The following SHB variants were observed in gnomAD, a reference collection of about 807,000 sequenced individuals.
The protein encoded by SHB is SH2 domain containing adaptor protein B.
In SHB, 20 loss-of-function variants were observed where a neutral mutation model predicts 52.3. The ratio of observed to expected loss-of-function variants is 0.38; its 90% CI spans 0.27 to 0.56. The LOEUF is 0.56. SHB is among the 20% of genes least tolerant of loss of function. SHB has a pLI of 0.71. For missense variants in SHB, 825 were observed against 723.3 expected (o/e 1.14, Z -1.61); for synonymous variants, 397 against 316.5 (o/e 1.25, Z -2.70).
intron 2 of SHB, among the ~76,000 whole-genome samples, chr9:37,996,333 C>T (rs1323724292): frequency 6.6e-6 from 1 of 152,334 alleles, no homozygotes; most frequent in East Asian, 1.9e-4. Flanking sequence ...TTAGCTGGTA[C>T]TCATGGTTGA....
At chr9:38,012,139 A>G (rs1821148828) in intron 2 of SHB, among the ~76,000 whole-genome samples, 1 of 152,216 alleles carries the variant, frequency 6.6e-6, no homozygotes, top group South Asian at 2.1e-4. Context: ...GGCTGGGCCA[A>G]TCTCCCCACC....
chr9:37,972,899 G>A (rs1245817249), intron 3 of SHB, among the ~76,000 whole-genome samples: 1 of 152,098 alleles, frequency 6.6e-6, no homozygotes, highest in Non-Finnish European at 1.5e-5. Flanking sequence ...GGAGATTTAA[G>A]GCAAAATAAA....
At chr9:37,931,124 A>C (rs1269018960) in intron 5 of SHB, among the ~76,000 whole-genome samples, 1 of 152,210 alleles carries the variant, frequency 6.6e-6, no homozygotes, top group Non-Finnish European at 1.5e-5. Context: ...CTCAAAATGG[A>C]TAAAAGACCT....
intron 1 of SHB, among the ~76,000 whole-genome samples, chr9:38,032,338 C>T (rs117580494): frequency 0.012 from 1,845 of 152,338 alleles, 18 homozygotes; most frequent in Middle Eastern, 0.034. Flanking sequence ...AGGTTTCAAC[C>T]CAGGCCAGCG....
chr9:38,042,262 A>G (rs1821594474), intron 1 of SHB, among the ~76,000 whole-genome samples: 1 of 152,230 alleles, frequency 6.6e-6, no homozygotes, highest in Non-Finnish European at 1.5e-5. Context: ...TGCCCGGGAC[A>G]CAGTAAGAGC....
At chr9:38,015,184 A>G (rs1821194786) in intron 2 of SHB, among the ~76,000 whole-genome samples, 1 of 152,190 alleles carries the variant, frequency 6.6e-6, no homozygotes, top group Admixed American at 6.5e-5. Flanking sequence ...GGCAGCCTAC[A>G]CAGCTGCTCT....
rs76007736 is a variant in SHB at position 37,938,849 on chromosome 9, G to C, written c.1346+9786C>G. Among the ~76,000 whole-genome samples, 1,208 of 152,332 alleles carry C rather than the reference G, an allele frequency of 7.9e-3. 16 individuals are homozygous for C. The highest frequency in any genetic ancestry group is 0.027 in the African/African-American group (1,143 of 41,568). On this transcript the variant is annotated intron_variant, in intron 5 of 5. Transcript: ENST00000377707. Reference sequence around the variant, plus strand: ...ACTGGGCCGTGAACTGGCAGAGTGAGGCAGAATGAGAGCAGGCACCTCTTG... The same window carrying C: ...ACTGGGCCGTGAACTGGCAGAGTGACGCAGAATGAGAGCAGGCACCTCTTG...
intron 2 of SHB, among the ~76,000 whole-genome samples, chr9:37,986,886 G>A (rs895938170): frequency 9.2e-5 from 14 of 152,316 alleles, no homozygotes; most frequent in African/African-American, 3.1e-4. Context: ...TCTGAGTATC[G>A]ACAGACCACA....
chr9:37,965,193 G>A (rs1044258234), intron 3 of SHB, among the ~76,000 whole-genome samples: 2 of 152,242 alleles, frequency 1.3e-5, no homozygotes, highest in Non-Finnish European at 2.9e-5. Context: ...GGGAGGCCAG[G>A]AGAGATGGGG....
chr9:38,023,447 G>C (rs1325061926), intron 1 of SHB, among the ~76,000 whole-genome samples: 3 of 152,222 alleles, frequency 2.0e-5, no homozygotes, highest in Non-Finnish European at 2.9e-5. Flanking sequence ...GCACCTCCAG[G>C]ATGAAGGTAA....
chr9:38,066,847 C>CTTA (rs942103597), intron 1 of SHB, among the ~76,000 whole-genome samples: 1 of 152,166 alleles, frequency 6.6e-6, no homozygotes, highest in Non-Finnish European at 1.5e-5. Flanking sequence ...AACTCAGACT[C>CTTA]TTAATCAGTC....
chr9:37,927,379 CA>C (rs1832262586), intron 5 of SHB, among the ~76,000 whole-genome samples: 2 of 152,232 alleles, frequency 1.3e-5, no homozygotes, highest in Non-Finnish European at 2.9e-5. Context: ...CGCTGCTGAG[CA>C]AAATGACGTG....
chr9:38,016,430 T>C lies in SHB; in HGVS notation c.718-299A>G, dbSNP rs1821212890. Among the ~76,000 whole-genome samples, 5 of 152,172 alleles carry C rather than the reference T, an allele frequency of 3.3e-5. No homozygotes were observed. In the South Asian group the frequency reaches 1.0e-3, roughly 32 times the overall value. On this transcript the variant is annotated intron_variant, in intron 1 of 5. Transcript: ENST00000377707. ...TGAAGGTAACAATGCACACTAAGCA[T>C]GGAGGCGAGAACCTGGAGGGCATCC...
chr9:37,922,703 C>G (rs1450335991), intron 5 of SHB, among the ~76,000 whole-genome samples: 1 of 152,208 alleles, frequency 6.6e-6, no homozygotes, highest in Non-Finnish European at 1.5e-5. Context: ...TGACCATTCT[C>G]AGGCAGAGGG....
chr9:38,013,558 T>A (rs1821169736), intron 2 of SHB, among the ~76,000 whole-genome samples: 1 of 152,164 alleles, frequency 6.6e-6, no homozygotes. Context: ...GAGCCAAGAT[T>A]ATGCCACTGT....
chr9:37,983,999 G>A (rs1820772846), intron 2 of SHB, among the ~76,000 whole-genome samples: 1 of 152,230 alleles, frequency 6.6e-6, no homozygotes, highest in African/African-American at 2.4e-5. Flanking sequence ...GGCTCCAACA[G>A]GTGACCTGGG....
intron 5 of SHB, among the ~76,000 whole-genome samples, chr9:37,927,372 T>C (rs1352691683): frequency 6.6e-6 from 1 of 152,242 alleles, no homozygotes; most frequent in Non-Finnish European, 1.5e-5. Context: ...ATGTAAACGC[T>C]GCTGAGCAAA....
intron 1 of SHB, among the ~76,000 whole-genome samples, chr9:38,017,036 G>A (rs1821222652): frequency 6.6e-6 from 1 of 152,226 alleles, no homozygotes; most frequent in Non-Finnish European, 1.5e-5. Flanking sequence ...TTTCCCTGGA[G>A]AAGAGTAAAA....
chr9:38,006,444 G>C (rs1309625733), intron 2 of SHB, among the ~76,000 whole-genome samples: 1 of 152,186 alleles, frequency 6.6e-6, no homozygotes, highest in Admixed American at 6.5e-5. Flanking sequence ...CTTTGCTGCA[G>C]ATTAATCTGA....
Sources: allele counts gnomAD v4.1 joint callset (sites outside exome capture counted in the v4.1 genomes callset), GRCh38; gene constraint gnomAD v4.1.1; transcripts MANE v1.5; gene names NCBI Gene and HGNC (gene_info 2026-07-23, HGNC 2026-07-21).